NOL10: variants seen among roughly 807,000 people sequenced by gnomAD.
NOL10 encodes the protein nucleolar protein 10.
A neutral mutation model predicts 103.5 loss-of-function variants in NOL10; 58 were observed. The observed-to-expected ratio is 0.56, with a 90% CI of 0.45 to 0.70. The LOEUF (loss-of-function observed/expected upper bound fraction) is 0.70, where lower values mean the gene tolerates loss of function less well. Among genes scored for constraint, NOL10 ranks in the 30% least tolerant of loss-of-function variants. The pLI, the probability that NOL10 is intolerant of heterozygous loss-of-function variation, is 0.00. For missense variants in NOL10, 763 were observed against 807.3 expected (o/e 0.95, Z 0.67); for synonymous variants, 287 against 282.5 (o/e 1.02, Z -0.16).
At chr2:10,607,358 C>CTTTATTT in intron 13 of NOL10, 47 bp from the exon 14 acceptor site, 1 of 1,545,124 alleles carries the variant, frequency 6.5e-7, no homozygotes, top group Non-Finnish European at 8.7e-7. Context: ...TTTACCACGC[C>CTTTATTT]ATCCAAGTCT....
chr2:10,627,294 G>A (rs111369894), intron 13 of NOL10, among the ~76,000 whole-genome samples: 17 of 152,132 alleles, frequency 1.1e-4, no homozygotes, highest in African/African-American at 2.7e-4. Context: ...TTATCTTTCC[G>A]GATCTTTCTT....
chr2:10,599,338 T>C (rs1319504034), intron 17 of NOL10, among the ~76,000 whole-genome samples: 2 of 152,246 alleles, frequency 1.3e-5, no homozygotes, highest in Non-Finnish European at 2.9e-5. Flanking sequence ...ATTTAGCTTT[T>C]ACTGTAAAAT....
intron 12 of NOL10, among the ~76,000 whole-genome samples, chr2:10,648,437 T>C (rs989011132): frequency 6.6e-6 from 1 of 152,194 alleles, no homozygotes; most frequent in Non-Finnish European, 1.5e-5. Flanking sequence ...ACGGGTCTTG[T>C]TCTGCCTGCT....
chr2:10,657,891 C>A lies in NOL10; in HGVS notation c.757G>T (p.Val253Phe). The A allele has an allele frequency of 2.0e-6, 3 of 1,509,194 alleles. No homozygotes were observed. Among genetic ancestry groups the A allele is most frequent in the East Asian group, 2.5e-5 (1 of 40,302 alleles). 93.5% of individuals were successfully genotyped at this position (1,509,194 alleles called of 1,614,324 possible). A position where few individuals can be genotyped will look rare whatever the true frequency, so the allele number is the denominator to read the frequency against. Residue 253 changes from valine to phenylalanine, a missense_variant and splice_region_variant, in exon 11 of 21, where the codon GTT becomes TTT. Coordinates refer to ENST00000381685, the MANE Select transcript of NOL10 (RefSeq NM_024894.4). ...TMAVGTTTGQ[V>F]LLYDLRSDKP... Reference sequence around the variant, plus strand: ...TCAGATCGAAGGTCATATAATAAAACCTGAAAAAAAATTATTTCTGTTTAA... The same window carrying A: ...TCAGATCGAAGGTCATATAATAAAAACTGAAAAAAAATTATTTCTGTTTAA...
In NOL10 at chr2:10,689,802, A is replaced by G; in HGVS notation, c.60T>C (p.Leu20=). The change falls in exon 1 of 21, where the codon CTT becomes CTC. Residue 20 remains leucine (L), a synonymous_variant. Transcript: ENST00000381685. The part of the protein sequence containing the change: ...KIYSLSCGKS[L]PEWLSDRKKR... ...GGGCCGGGAAGTGACTCACCTCAGG[A>G]AGGGACTTGCCGCAGCTGAGGCTGT... 1 of 1,604,464 alleles carries G rather than the reference A, an allele frequency of 6.2e-7. No homozygotes were observed. Among genetic ancestry groups the G allele is most frequent in the Non-Finnish European group, 8.5e-7 (1 of 1,175,726 alleles).
chr2:10,646,792 A>C (rs1426110905), intron 12 of NOL10, among the ~76,000 whole-genome samples: 2 of 152,162 alleles, frequency 1.3e-5, no homozygotes, highest in Non-Finnish European at 2.9e-5. Context: ...ATAACATGGG[A>C]CTCTGACACT....
chr2:10,675,945 ACTT>A lies in NOL10; in HGVS notation c.212-77_212-75del, dbSNP rs528238419. On this transcript the variant is annotated intron_variant, in intron 3 of 20. Coordinates refer to ENST00000381685, the MANE Select transcript of NOL10 (RefSeq NM_024894.4). ...CAAAACATCCAGATACATTGAGTGT[ACTT>A]CTTGTTCAGAGACAGGCAGGATTAA... 332 of 718,938 alleles carry A rather than the reference ACTT, an allele frequency of 4.6e-4. 1 individual carries two copies. The highest frequency in any genetic ancestry group is 1.3e-3 in the South Asian group (58 of 44,132). 44.5% of individuals were successfully genotyped at this position (718,938 alleles called of 1,614,324 possible). A position where few individuals can be genotyped will look rare whatever the true frequency, so the allele number is the denominator to read the frequency against.
chr2:10,679,269 G>C (rs1476993029), intron 3 of NOL10, among the ~76,000 whole-genome samples: 2 of 150,516 alleles, frequency 1.3e-5, no homozygotes, highest in East Asian at 3.9e-4. Context: ...TGTGGCAGGA[G>C]AATCACTTGA....
Position 10,589,559 on chromosome 2 carries a change from C to G in NOL10, c.1596+19G>C. The G allele has an allele frequency of 6.6e-7, 1 of 1,519,764 alleles. No homozygotes were observed. The allele number at this position is 1,519,764 out of a possible 1,614,324, so 94.1% of individuals were successfully genotyped here. On this transcript the variant is annotated intron_variant, in intron 18 of 20. Coordinates refer to ENST00000381685, the MANE Select transcript of NOL10 (RefSeq NM_024894.4). ...TTAAAGAAACAGTAGCAAATTCTAA[C>G]TGATAAGGAGTACATTACTTTTTCA...
rs557755945 is a variant in NOL10 at position 10,667,540 on chromosome 2, C to T, written c.531-262G>A. Among the ~76,000 whole-genome samples, 9 of 152,194 alleles carry T rather than the reference C, an allele frequency of 5.9e-5. 1 individual carries two copies. The South Asian group carries it at 1.2e-3, about 21-fold the overall frequency. ...AGGGACTTCCTTCTGAAATACTATT[C>T]CACTACCATGAGAAGAAAGGGTCAC... On this transcript the variant is annotated intron_variant, in intron 7 of 20. Coordinates refer to ENST00000381685, the MANE Select transcript of NOL10 (RefSeq NM_024894.4).
chr2:10,672,679 T>C (rs1018114248), intron 5 of NOL10, among the ~76,000 whole-genome samples: 1 of 152,234 alleles, frequency 6.6e-6, no homozygotes, highest in Admixed American at 6.5e-5. Flanking sequence ...AATTTTATAA[T>C]TGTTGAAAGT....
chr2:10,663,212 C>G (rs1232985432), intron 8 of NOL10, among the ~76,000 whole-genome samples, 168 bp from the exon 9 acceptor site: 1 of 151,918 alleles, frequency 6.6e-6, no homozygotes, highest in Non-Finnish European at 1.5e-5. Flanking sequence ...ACTAAAAATA[C>G]AAAAAATTAG....
At chr2:10,623,922 C>G (rs1677290871) in intron 13 of NOL10, among the ~76,000 whole-genome samples, 1 of 152,160 alleles carries the variant, frequency 6.6e-6, no homozygotes, top group Admixed American at 6.5e-5. Flanking sequence ...TGTGGAGCAA[C>G]AGGAACTCTC....
intron 16 of NOL10, among the ~76,000 whole-genome samples, 161 bp downstream of exon 16, chr2:10,602,615 T>C (rs3815520): frequency 0.091 from 13,867 of 152,144 alleles, 1,017 homozygotes; most frequent in East Asian, 0.39. Context: ...ATGACAAACA[T>C]GACACACTGA....
At chr2:10,659,089 T>C (rs1018878961) in intron 10 of NOL10, 83 bp downstream of exon 10, 17 of 903,758 alleles carry the variant, frequency 1.9e-5, no homozygotes, top group Non-Finnish European at 3.0e-5. Flanking sequence ...TCATTTTCTG[T>C]TCCTGCAGTG....
At chr2:10,677,956 T>A (rs567458415) in intron 3 of NOL10, among the ~76,000 whole-genome samples, 154 of 120,178 alleles carry the variant, frequency 1.3e-3, no homozygotes, top group African/African-American at 4.1e-3. Context: ...CACATAATTT[T>A]ATGTGCACAC....
chr2:10,682,066 A>G lies in NOL10; in HGVS notation c.116T>C (p.Val39Ala). Residue 39 changes from valine to alanine, a missense_variant, in exon 3 of 21, where the codon GTC becomes GCC. Physicochemically the swap from Val to Ala is moderately conservative, Grantham distance 64. Coordinates refer to ENST00000381685, the MANE Select transcript of NOL10 (RefSeq NM_024894.4). ...CTGAATAAGTTCAATTCTCCTACGG[A>G]CATCTAAAAAGAGAGAAAAAAACAA... ...KRALQKKDVD[V>A]RRRIELIQDF... The G allele has an allele frequency of 6.9e-7, 1 of 1,458,308 alleles. No homozygotes were observed. Among genetic ancestry groups the G allele is most frequent in the South Asian group, 1.5e-5 (1 of 66,482 alleles). 90.3% of individuals were successfully genotyped at this position (1,458,308 alleles called of 1,614,324 possible).
At chr2:10,625,631 G>A (rs775553790) in intron 13 of NOL10, among the ~76,000 whole-genome samples, 2 of 151,932 alleles carry the variant, frequency 1.3e-5, no homozygotes, top group African/African-American at 2.4e-5. Context: ...TCTAATATTC[G>A]TTCCCATTTA....
At chr2:10,675,481 CAAG>C (rs1163304783) in intron 4 of NOL10, among the ~76,000 whole-genome samples, 2 of 152,016 alleles carry the variant, frequency 1.3e-5, no homozygotes, top group East Asian at 3.9e-4. Context: ...TCTCTGAAAA[CAAG>C]AAAAGCTGCC....
Sources: allele counts gnomAD v4.1 joint callset (sites outside exome capture counted in the v4.1 genomes callset), GRCh38; gene constraint gnomAD v4.1.1; transcripts MANE v1.5; gene names NCBI Gene and HGNC (gene_info 2026-07-23, HGNC 2026-07-21).